Variants in SAMD12 observed in about 807,000 individuals in gnomAD.
SAMD12 encodes the protein sterile alpha motif domain containing 12.
A neutral mutation model predicts 15.0 loss-of-function variants in SAMD12; 9 were observed. The observed-to-expected ratio is 0.60, with a 90% confidence interval of 0.36 to 1.05. The LOEUF (loss-of-function observed/expected upper bound fraction) is 1.05. Among genes scored for constraint, SAMD12 ranks in the 50% least tolerant of loss-of-function variants. SAMD12 has a pLI of 0.01. For missense variants in SAMD12, 230 were observed against 234.2 expected, an observed-to-expected ratio of 0.98 and a Z score of 0.12; for synonymous variants, 86 against 90.1, an observed-to-expected ratio of 0.96 and a Z score of 0.25.
At chr8:118,478,177 G>C (rs1292549387) in intron 2 of SAMD12, among the ~76,000 whole-genome samples, 1 of 151,908 alleles carries the variant, frequency 6.6e-6, no homozygotes. Context: ...TTTATAAAAA[G>C]GCAGTGAGCT....
chr8:118,202,198 T>A (rs561494612), intron 4 of SAMD12, among the ~76,000 whole-genome samples: 1 of 152,194 alleles, frequency 6.6e-6, no homozygotes, highest in East Asian at 1.9e-4. Context: ...ACTATTGTTT[T>A]ATTATTATTA....
Position 118,594,131 on chromosome 8 carries a change from A to C in SAMD12, c.14-13238T>G, listed in dbSNP as rs114854437. Among the ~76,000 whole-genome samples, 800 of 152,226 alleles carry C rather than the reference A, an allele frequency of 5.3e-3. 7 individuals carry two copies. The highest frequency in any genetic ancestry group is 0.018 in the African/African-American group (761 of 41,550). On this transcript the variant is annotated intron_variant, in intron 1 of 3. Transcript: ENST00000314727. ...ATGAACAGGGATTCAGAGATAAATC[A>C]GCTCTGGTAAAGCTCACAGTTTACT...
the SAMD12 span, among the ~76,000 whole-genome samples, chr8:118,167,038 C>G: frequency 6.6e-6 from 1 of 152,166 alleles, no homozygotes; most frequent in African/African-American, 2.4e-5. Context: ...GCTTACCAAC[C>G]TGTAGTGATG....
intron 1 of SAMD12, among the ~76,000 whole-genome samples, chr8:118,589,244 T>A (rs1465607428): frequency 2.0e-5 from 3 of 152,180 alleles, no homozygotes; most frequent in African/African-American, 4.8e-5. Context: ...CTGACAATGA[T>A]GATGTGGCTG....
At chr8:118,166,316 A>C in the SAMD12 span, among the ~76,000 whole-genome samples, 35 of 152,344 alleles carry the variant, frequency 2.3e-4, no homozygotes, top group Admixed American at 1.5e-3. Flanking sequence ...CATCTTCAAA[A>C]GGAGTAGCTG....
At chr8:118,379,954 T>C (rs541213824) in intron 3 of SAMD12, among the ~76,000 whole-genome samples, 2 of 152,182 alleles carry the variant, frequency 1.3e-5, no homozygotes, top group Non-Finnish European at 2.9e-5. Context: ...TCAGTTAGAA[T>C]GTGTGACTCA....
At chr8:118,246,250 A>G (rs1012159491) in intron 4 of SAMD12, among the ~76,000 whole-genome samples, 1 of 152,180 alleles carries the variant, frequency 6.6e-6, no homozygotes, top group Non-Finnish European at 1.5e-5. Flanking sequence ...CCAGCCATAA[A>G]GTCTGAGCCA....
At chr8:118,343,370 GA>G (rs1264195236) in intron 4 of SAMD12, among the ~76,000 whole-genome samples, 2 of 142,290 alleles carry the variant, frequency 1.4e-5, no homozygotes. Context: ...TGGAGGGGGG[GA>G]ATCGTTTTGG....
In SAMD12 at chr8:118,331,972, C is replaced by G. The variant is rs181696251; in HGVS notation, c.433+47588G>C. 7.6e-4 allele frequency among the ~76,000 whole-genome samples: 115 copies of G among 152,262 alleles called. 1 individual carries two copies. Among genetic ancestry groups the G allele is most frequent in the Non-Finnish European group, 7.4e-4 (50 of 68,018 alleles). ...TAAACATGTATTAATATTACTTAAACACCTGATAGTAACTATCAGAGGAAC... is the reference window on the plus strand; with the variant it reads ...TAAACATGTATTAATATTACTTAAAGACCTGATAGTAACTATCAGAGGAAC... On this transcript the variant is annotated intron_variant, in intron 4 of 4. Transcript: ENST00000409003.
chr8:118,471,776 G>A lies in SAMD12; in HGVS notation c.193-31815C>T, dbSNP rs555064311. ...GGTGATGGCAATAGTAATGGCAGTA[G>A]TGGTGGTGACCGTGGTGGTGATGGT... is the stretch of plus-strand genomic sequence containing the variant. On this transcript the variant is annotated intron_variant, in intron 2 of 3. Transcript: ENST00000314727. Among the ~76,000 whole-genome samples, 13 of 152,266 alleles carry A rather than the reference G, an allele frequency of 8.5e-5. No homozygotes were observed. The East Asian group carries it at 1.4e-3, about 16-fold the overall frequency.
At chr8:118,594,053 T>C (rs1827654426) in intron 1 of SAMD12, among the ~76,000 whole-genome samples, 2 of 152,202 alleles carry the variant, frequency 1.3e-5, no homozygotes, top group Non-Finnish European at 2.9e-5. Context: ...ATCACAGTTA[T>C]TTTCTTGTTA....
intron 3 of SAMD12, among the ~76,000 whole-genome samples, chr8:118,398,150 C>G (rs1032754602): frequency 6.6e-6 from 1 of 152,088 alleles, no homozygotes; most frequent in Non-Finnish European, 1.5e-5. Flanking sequence ...GCCTATAATA[C>G]CAGCACTTTG....
At chr8:118,343,981 A>C (rs1307849355) in intron 4 of SAMD12, among the ~76,000 whole-genome samples, 3 of 152,216 alleles carry the variant, frequency 2.0e-5, no homozygotes. Flanking sequence ...ATGTGCATAT[A>C]TATATGGCAC....
intron 3 of SAMD12, among the ~76,000 whole-genome samples, chr8:118,423,439 C>T (rs1822101783): frequency 6.6e-6 from 1 of 152,138 alleles, no homozygotes; most frequent in Non-Finnish European, 1.5e-5. Flanking sequence ...AACATATATA[C>T]ACACAGAGAT....
chr8:118,462,101 T>C (rs978705378), intron 2 of SAMD12, among the ~76,000 whole-genome samples: 5 of 152,248 alleles, frequency 3.3e-5, no homozygotes, highest in African/African-American at 9.6e-5. Context: ...AATTTTACTA[T>C]AGTCCCATGT....
chr8:118,180,752 GA>G, the SAMD12 span, among the ~76,000 whole-genome samples: 1 of 150,434 alleles, frequency 6.6e-6, no homozygotes, highest in African/African-American at 2.4e-5. Flanking sequence ...GGTAGAGATA[GA>G]GTTTCGTCAA....
intron 4 of SAMD12, among the ~76,000 whole-genome samples, chr8:118,320,094 A>AAG (rs1224538383): frequency 4.6e-5 from 7 of 152,210 alleles, no homozygotes; most frequent in African/African-American, 1.7e-4. Flanking sequence ...AAGCTGAAGC[A>AAG]AGAGAGCCCC....
At chr8:118,458,951 TGTGTGTG>T (rs1823336561) in intron 2 of SAMD12, among the ~76,000 whole-genome samples, 2 of 2,260 alleles carry the variant, frequency 8.8e-4, no homozygotes, top group East Asian at 0.33. Context: ...CAGCTATATA[TGTGTGTG>T]TGTGTGTGTG....
intron 4 of SAMD12, among the ~76,000 whole-genome samples, chr8:118,214,426 T>G (rs1379701681): frequency 6.6e-6 from 1 of 152,214 alleles, no homozygotes; most frequent in Non-Finnish European, 1.5e-5. Flanking sequence ...TAGCTGATGG[T>G]CATAGTGTGT....
Sources: gnomAD v4.1 joint callset for allele counts (sites outside exome capture counted in the v4.1 genomes callset) on GRCh38, gnomAD v4.1.1 for gene constraint, MANE v1.5 for transcripts, NCBI Gene and HGNC (gene_info 2026-07-23, HGNC 2026-07-21) for gene names.